MCF2L2: variants seen among roughly 807,000 people sequenced by gnomAD.
MCF2L2 encodes probable guanine nucleotide exchange factor MCF2L2.
MCF2L2 carries 102 observed loss-of-function variants against 150.2 expected under a neutral mutation model. That is an observed-to-expected ratio of 0.68 (90% CI 0.58 to 0.80). MCF2L2 has a LOEUF of 0.80. Among genes scored for constraint, MCF2L2 ranks in the 30% least tolerant of loss-of-function variants. The pLI is 0.00. For synonymous variants in MCF2L2, 465 were observed against 491.3 expected (o/e 0.95, Z 0.71); for missense variants, 1,256 against 1,372.8 (o/e 0.91, Z 1.34).
chr3:183,368,566 C>A (rs1712675825), intron 3 of MCF2L2, among the ~76,000 whole-genome samples: 1 of 152,094 alleles, frequency 6.6e-6, no homozygotes, highest in Admixed American at 6.6e-5. Context: ...GAGTTCGAGA[C>A]CAGCCTGGCC....
At chr3:183,313,213 C>T in intron 7 of MCF2L2, among the ~76,000 whole-genome samples, 1 of 149,766 alleles carries the variant, frequency 6.7e-6, no homozygotes, top group East Asian at 1.9e-4. Flanking sequence ...ATTTTCTTAA[C>T]TGCTGCTGAG....
At chr3:183,418,045 G>T (rs113235332) in intron 1 of MCF2L2, among the ~76,000 whole-genome samples, 2,039 of 152,210 alleles carry the variant, frequency 0.013, 50 homozygotes, top group African/African-American at 0.047. Flanking sequence ...AAAATTTGCT[G>T]AGTGTGGTGG....
intron 1 of MCF2L2, among the ~76,000 whole-genome samples, chr3:183,398,952 GA>G (rs1577123872): frequency 1.3e-5 from 2 of 152,114 alleles, no homozygotes; most frequent in South Asian, 4.1e-4. Context: ...TTAGGATTTG[GA>G]AATCTTACTC....
At chr3:183,297,412 T>C (rs1175584030) in intron 11 of MCF2L2, 1 of 449,514 alleles carries the variant, frequency 2.2e-6, no homozygotes, top group Admixed American at 3.8e-5. Context: ...AATGAGTCTC[T>C]TCCATTAACA....
Position 183,283,821 on chromosome 3 carries a change from C to A in MCF2L2, c.1776+5299G>T, listed in dbSNP as rs2108470506. ...ACAGGTGTGAGCCACCACGACCAGC[C>A]TTATTTATTCTTTAGAGTTGAATTC... On this transcript the variant is annotated intron_variant, in intron 14 of 29. Transcript: ENST00000328913. The surrounding 1 kb of genome is among the most constrained non-coding windows in gnomAD (Gnocchi z 4.2). Among the ~76,000 whole-genome samples the A allele has an allele frequency of 6.6e-6, 1 of 152,200 alleles. No individual in the cohort carries two copies. The highest frequency in any genetic ancestry group is 2.4e-5 in the African/African-American group (1 of 41,544).
At chr3:183,391,800 T>G (rs1442546586) in intron 1 of MCF2L2, among the ~76,000 whole-genome samples, 1 of 152,238 alleles carries the variant, frequency 6.6e-6, no homozygotes, top group African/African-American at 2.4e-5. Flanking sequence ...ATTAAAGAGT[T>G]TTCAGAGTAC....
intron 15 of MCF2L2, among the ~76,000 whole-genome samples, chr3:183,238,763 C>T (rs759621058): frequency 9.3e-5 from 14 of 150,620 alleles, no homozygotes; most frequent in Admixed American, 1.3e-4. Context: ...TTTGGGAGGC[C>T]GAGGCAGGCG....
intron 15 of MCF2L2, among the ~76,000 whole-genome samples, chr3:183,245,716 C>T (rs1026793452): frequency 1.3e-5 from 2 of 152,048 alleles, no homozygotes; most frequent in Admixed American, 6.6e-5. Context: ...AAATAAATTC[C>T]TAGAACTGTT....
At chr3:183,410,087 T>C (rs545571196) in intron 1 of MCF2L2, among the ~76,000 whole-genome samples, 1 of 152,280 alleles carries the variant, frequency 6.6e-6, no homozygotes, top group South Asian at 2.1e-4. Flanking sequence ...GGACAACTAG[T>C]GCAGAAAGAC....
intron 3 of MCF2L2, among the ~76,000 whole-genome samples, chr3:183,361,439 C>T (rs1450388775): frequency 1.3e-5 from 2 of 152,134 alleles, no homozygotes; most frequent in Non-Finnish European, 2.9e-5. Context: ...GGCAGATTTC[C>T]CCCTTGCTGT....
chr3:183,246,563 C>T (rs963735921), intron 15 of MCF2L2, among the ~76,000 whole-genome samples: 2 of 152,152 alleles, frequency 1.3e-5, no homozygotes, highest in African/African-American at 4.8e-5. Context: ...TATGTGTCTA[C>T]CACATTTTGC....
Position 183,330,925 on chromosome 3 carries a change from C to T in MCF2L2, c.487-7574G>A, listed in dbSNP as rs568091912. On this transcript the variant is annotated intron_variant, in intron 5 of 29. Transcript: ENST00000328913. ...GCCACATTTTCTTATTTTCTGTACT[C>T]TTGAGGCTCTGGCATTTGTGGCCTC... 3.3e-5 allele frequency among the ~76,000 whole-genome samples: 5 copies of T among 152,272 alleles called. No individual in the cohort carries two copies. In the South Asian group the frequency reaches 1.0e-3, roughly 32 times the overall value.
At chr3:183,185,254 ATGAACTAAAGGATATCATT>A (rs1721656638) in intron 27 of MCF2L2, among the ~76,000 whole-genome samples, 1 of 152,254 alleles carries the variant, frequency 6.6e-6, no homozygotes, top group African/African-American at 2.4e-5. Flanking sequence ...TCTCTATCAC[ATGAACTAAAGGATATCATT>A]TTCACTTGGG....
intron 18 of MCF2L2, 99 bp downstream of exon 18, chr3:183,228,198 T>C: frequency 9.6e-6 from 8 of 833,836 alleles, no homozygotes; most frequent in Non-Finnish European, 1.2e-5. Flanking sequence ...GAAGCAGATA[T>C]GTTTTTAGAC....
At chr3:183,223,956 T>G (rs996215896) in intron 19 of MCF2L2, 142 bp downstream of exon 19, 2 of 703,046 alleles carry the variant, frequency 2.8e-6, no homozygotes, top group Non-Finnish European at 5.1e-6. Flanking sequence ...CAACTTTTCA[T>G]GTGTAATTTC....
intron 4 of MCF2L2, among the ~76,000 whole-genome samples, chr3:183,339,624 T>C (rs574305101): frequency 5.9e-5 from 9 of 152,334 alleles, no homozygotes; most frequent in African/African-American, 2.2e-4. Flanking sequence ...TTTCAGAAAG[T>C]ATCGCCCACA....
intron 1 of MCF2L2, chr3:183,400,399 G>T (rs1300860471): frequency 2.2e-6 from 1 of 456,318 alleles, no homozygotes; most frequent in African/African-American, 2.0e-5. Context: ...ACTAAACGGT[G>T]ATAGGCCCTC....
At chr3:183,293,353 C>G (rs534623480) in intron 13 of MCF2L2, among the ~76,000 whole-genome samples, 1 of 152,156 alleles carries the variant, frequency 6.6e-6, no homozygotes, top group Admixed American at 6.5e-5. Context: ...CCACAATACA[C>G]GACACAAACA....
intron 1 of MCF2L2, among the ~76,000 whole-genome samples, chr3:183,423,900 G>T (rs1716025748): frequency 6.6e-6 from 1 of 150,984 alleles, no homozygotes; most frequent in Non-Finnish European, 1.5e-5. Flanking sequence ...GGGATTACAG[G>T]TGTGAGCCAC....
Sources: allele counts gnomAD v4.1 joint callset (sites outside exome capture counted in the v4.1 genomes callset), GRCh38; gene constraint gnomAD v4.1.1; non-coding constraint Gnocchi (gnomAD v3.1); transcripts MANE v1.5; gene names NCBI Gene and HGNC (gene_info 2026-07-23, HGNC 2026-07-21).